PRKCB: variants seen among roughly 807,000 people sequenced by gnomAD.
PRKCB encodes protein kinase C beta.
Under a neutral mutation model 81.5 loss-of-function variants are expected in PRKCB, and 13 were observed. The observed-to-expected ratio is 0.16, with a 90% CI of 0.10 to 0.25. The LOEUF is 0.25. Among genes scored for constraint, PRKCB ranks in the 10% least tolerant of loss-of-function variants. The pLI, the probability that PRKCB is intolerant of heterozygous loss-of-function variation, is 1.00. For missense variants in PRKCB, 509 were observed against 875.7 expected, an observed-to-expected ratio of 0.58 and a Z score of 5.29; for synonymous variants, 335 against 321.4, an observed-to-expected ratio of 1.04 and a Z score of -0.45.
rs146091047 is a variant in PRKCB at position 24,002,949 on chromosome 16, G to T, written c.288+14359G>T. Among the ~76,000 whole-genome samples, 5 of 152,182 alleles carry T rather than the reference G, an allele frequency of 3.3e-5. No homozygotes were observed. In the East Asian group the frequency reaches 7.7e-4, roughly 24 times the overall value. The stretch of plus-strand genomic sequence containing the variant: ...CCTCTGGTTGGACTCAAGGGGAGGG[G>T]CTAATAGGAGACTTGGGGAGGGGAG... On this transcript the variant is annotated intron_variant, in intron 3 of 16. Transcript: ENST00000643927.
intron 5 of PRKCB, among the ~76,000 whole-genome samples, chr16:24,080,006 GT>G (rs1220994274): frequency 2.6e-5 from 4 of 152,154 alleles, no homozygotes; most frequent in African/African-American, 9.6e-5. Flanking sequence ...CTTTGACCTA[GT>G]TTTATAGTGA....
intron 8 of PRKCB, among the ~76,000 whole-genome samples, chr16:24,116,429 A>G (rs1286036366): frequency 2.0e-5 from 3 of 152,090 alleles, no homozygotes; most frequent in African/African-American, 7.2e-5. Context: ...ATAAAAAAAG[A>G]AATAGCACTT....
intron 2 of PRKCB, among the ~76,000 whole-genome samples, chr16:23,865,510 T>G (rs1482907744): frequency 0.022 from 386 of 17,622 alleles, 18 homozygotes; most frequent in Admixed American, 0.036. Context: ...TATATATATA[T>G]ATATATATGT....
At chr16:23,995,359 A>C (rs1964941446) in intron 3 of PRKCB, among the ~76,000 whole-genome samples, 1 of 152,210 alleles carries the variant, frequency 6.6e-6, no homozygotes. Flanking sequence ...CATCTGACCC[A>C]GCAAATCCAA....
intron 3 of PRKCB, among the ~76,000 whole-genome samples, chr16:23,998,602 A>T (rs992627701): frequency 2.0e-5 from 3 of 152,240 alleles, no homozygotes; most frequent in African/African-American, 4.8e-5. Context: ...TCAGCTAAAA[A>T]ATGAGTTAAA....
chr16:24,182,873 T>TTTTGTGTGTGTGTGTGTGTGTGTGTG (rs1555501177), intron 13 of PRKCB, among the ~76,000 whole-genome samples: 10 of 133,520 alleles, frequency 7.5e-5, no homozygotes, highest in Admixed American at 2.2e-4. Flanking sequence ...ACATTGTTTC[T>TTTTGTGTGTGTGTGTGTGTGTGTGTG]TGTGTGTGTG....
chr16:23,858,705 C>T (rs1043716318), intron 2 of PRKCB, among the ~76,000 whole-genome samples: 2 of 152,082 alleles, frequency 1.3e-5, no homozygotes, highest in African/African-American at 4.8e-5. Context: ...GCTGGGAGGA[C>T]AGGCTGAGAA....
rs1258316854 is a variant in PRKCB at position 23,988,398 on chromosome 16, T to C, written c.206-110T>C. The C allele has an allele frequency of 9.7e-6, 8 of 827,588 alleles. No homozygotes were observed. The African/African-American group carries it at 1.4e-4, about 14-fold the overall frequency. The allele number at this position is 827,588 out of a possible 1,614,324, so 51.3% of individuals were successfully genotyped here. A position where few individuals can be genotyped will look rare whatever the true frequency, so the allele number is the denominator to read the frequency against. ...TTATTGTTTATTTTGGCATAAAGGCTTTACTTGTTGGTGAAGTTCAAGTTT... is the reference window on the plus strand; with the variant it reads ...TTATTGTTTATTTTGGCATAAAGGCCTTACTTGTTGGTGAAGTTCAAGTTT... On this transcript the variant is annotated intron_variant, in intron 2 of 16. Transcript: ENST00000643927.
chr16:24,066,685 C>T (rs928978146), intron 5 of PRKCB, among the ~76,000 whole-genome samples: 9 of 151,934 alleles, frequency 5.9e-5, no homozygotes, highest in African/African-American at 2.2e-4. Flanking sequence ...TACCAAATTA[C>T]ATTAAGTTGT....
chr16:23,975,770 G>A (rs1265615018), intron 2 of PRKCB, among the ~76,000 whole-genome samples: 1 of 152,144 alleles, frequency 6.6e-6, no homozygotes, highest in Non-Finnish European at 1.5e-5. Context: ...TTATAGGAAC[G>A]TACGAAGCAC....
intron 16 of PRKCB, among the ~76,000 whole-genome samples, chr16:24,210,751 C>T (rs1301727181): frequency 3.9e-5 from 6 of 152,158 alleles, no homozygotes; most frequent in Non-Finnish European, 2.9e-5. Context: ...CCACCATCCT[C>T]GGCCTCTCAA....
chr16:23,913,759 C>T (rs1013375486), intron 2 of PRKCB, among the ~76,000 whole-genome samples: 3 of 152,168 alleles, frequency 2.0e-5, no homozygotes, highest in African/African-American at 7.2e-5. Flanking sequence ...CTTAAAATCT[C>T]CTGAGTCCTC....
At chr16:24,201,700 C>T (rs1388439703) in intron 16 of PRKCB, among the ~76,000 whole-genome samples, 1 of 152,102 alleles carries the variant, frequency 6.6e-6, no homozygotes, top group Non-Finnish European at 1.5e-5. Context: ...CTAAATCAGA[C>T]ATTTTGAAAG....
chr16:24,008,451 AG>A (rs1965158661), intron 3 of PRKCB, among the ~76,000 whole-genome samples: 2 of 152,256 alleles, frequency 1.3e-5, no homozygotes, highest in Admixed American at 6.5e-5. Context: ...TTTGGAATCA[AG>A]GGTGCTGGTT....
chr16:24,036,595 G>T (rs1483565804), intron 5 of PRKCB, among the ~76,000 whole-genome samples: 2 of 152,164 alleles, frequency 1.3e-5, no homozygotes, highest in South Asian at 4.1e-4. Flanking sequence ...GGGGCTTTAC[G>T]TAGATTGTGT....
At chr16:24,196,156 A>G (rs1967875390) in intron 16 of PRKCB, among the ~76,000 whole-genome samples, 1 of 152,116 alleles carries the variant, frequency 6.6e-6, no homozygotes, top group Admixed American at 6.5e-5. Context: ...TAAGATTGTG[A>G]CTTTCTCTGT....
At chr16:23,976,367 C>T (rs1205362081) in intron 2 of PRKCB, among the ~76,000 whole-genome samples, 1 of 152,162 alleles carries the variant, frequency 6.6e-6, no homozygotes, top group Non-Finnish European at 1.5e-5. Context: ...ACCAGTTTAA[C>T]AACTCTGCTG....
chr16:24,035,193 G>A lies in PRKCB; in HGVS notation c.401-226G>A, dbSNP rs149444379. Among the ~76,000 whole-genome samples, 415 of 152,298 alleles carry A rather than the reference G, an allele frequency of 2.7e-3. 2 individuals are homozygous for A. The highest frequency in any genetic ancestry group is 3.9e-3 in the Non-Finnish European group (264 of 68,034). ...GACTGCACCCTTGGCTGTGGGTGGG[G>A]AACAGACAAGTTCTACCTCCTTTGC... On this transcript the variant is annotated intron_variant, in intron 4 of 16. Transcript: ENST00000643927.
chr16:23,884,365 A>G (rs1490077514), intron 2 of PRKCB, among the ~76,000 whole-genome samples: 1 of 152,128 alleles, frequency 6.6e-6, no homozygotes, highest in Non-Finnish European at 1.5e-5. Flanking sequence ...ATATATTTAT[A>G]TTTTCCTTTC....
Sources: allele counts gnomAD v4.1 joint callset (sites outside exome capture counted in the v4.1 genomes callset), GRCh38; gene constraint gnomAD v4.1.1; transcripts MANE v1.5; gene names NCBI Gene and HGNC (gene_info 2026-07-23, HGNC 2026-07-21).